SLC26A7: variants seen among roughly 807,000 people sequenced by gnomAD.
SLC26A7 encodes solute carrier family 26 member 7.
Under a neutral mutation model 82.5 loss-of-function variants are expected in SLC26A7, and 59 were observed. The ratio of observed to expected loss-of-function variants is 0.72; its 90% confidence interval spans 0.58 to 0.89. The LOEUF (loss-of-function observed/expected upper bound fraction) is 0.89. Ranked by LOEUF, SLC26A7 falls within the 40% of genes least tolerant of loss-of-function variation. The pLI, the probability that SLC26A7 is intolerant of heterozygous loss-of-function variation, is 0.00. For synonymous variants in SLC26A7, 271 were observed against 274.3 expected, an observed-to-expected ratio of 0.99 and a Z score of 0.12; for missense variants, 820 against 793.0, an observed-to-expected ratio of 1.03 and a Z score of -0.41.
rs780747338 is a variant in SLC26A7, at chr8:91,338,194, C to T, written c.840C>T (p.Asn280=). The change falls in exon 7 of 19, where the codon AAC becomes AAT. Residue 280 remains asparagine (N), a synonymous_variant. Coordinates refer to ENST00000276609, the MANE Select transcript of SLC26A7 (RefSeq NM_052832.4). ...SFACYCTNME[N]TYGLEVVGHI... is the part of the protein sequence containing the mutation. ...CTTGTTATTGCACCAATATGGAAAACACATATGGATTAGAAGTAGTTGGTC... is the reference window on the plus strand; with the variant it reads ...CTTGTTATTGCACCAATATGGAAAATACATATGGATTAGAAGTAGTTGGTC... The T allele has an allele frequency of 5.6e-6, 9 of 1,610,466 alleles. No homozygotes were observed. In the East Asian group the frequency reaches 1.6e-4, roughly 28 times the overall value.
chr8:91,352,588 CCG>C (rs1353435861), intron 10 of SLC26A7, among the ~76,000 whole-genome samples: 1 of 152,028 alleles, frequency 6.6e-6, no homozygotes, highest in African/African-American at 2.4e-5. Flanking sequence ...AAACAAATGA[CCG>C]TGAATACGTT....
intron 2 of SLC26A7, among the ~76,000 whole-genome samples, chr8:91,238,574 C>CAT (rs549564537): frequency 0.018 from 2,718 of 148,384 alleles, 28 homozygotes; most frequent in African/African-American, 0.032. Context: ...TACACACACA[C>CAT]ATATATATAT....
At chr8:91,309,612 A>C (rs1215299212) in intron 4 of SLC26A7, among the ~76,000 whole-genome samples, 1 of 152,176 alleles carries the variant, frequency 6.6e-6, no homozygotes, top group Non-Finnish European at 1.5e-5. Flanking sequence ...AGAAGAAATA[A>C]TTCAACTAAG....
chr8:91,251,370 A>G (rs545806185), intron 2 of SLC26A7, among the ~76,000 whole-genome samples: 84 of 152,104 alleles, frequency 5.5e-4, no homozygotes, highest in Non-Finnish European at 8.5e-4. Flanking sequence ...AGCACAACAC[A>G]TACTCAGCCC....
At chr8:91,270,190 G>A (rs1036325603) in intron 2 of SLC26A7, among the ~76,000 whole-genome samples, 2 of 152,156 alleles carry the variant, frequency 1.3e-5, no homozygotes, top group Non-Finnish European at 2.9e-5. Flanking sequence ...CATTTGAGAA[G>A]ATAACCACTT....
Position 91,249,402 on chromosome 8 carries a change from T to TA in SLC26A7, c.-123dup, listed in dbSNP as rs1365740239. 4 of 312,172 alleles carry TA rather than the reference T, an allele frequency of 1.3e-5. No homozygotes were observed. Among genetic ancestry groups the TA allele is most frequent in the Non-Finnish European group, 2.3e-5 (4 of 172,530 alleles). 19.3% of individuals were successfully genotyped at this position (312,172 alleles called of 1,614,324 possible). ...GAACAGGAACTACTTCTCCTTCAGATAAGAATTCAAGGTTTTAATCTATAG... is the reference window on the plus strand; with the variant it reads ...GAACAGGAACTACTTCTCCTTCAGATAAAGAATTCAAGGTTTTAATCTATAG... On this transcript the variant is annotated 5_prime_UTR_variant, in exon 1 of 19. Coordinates refer to ENST00000276609, the MANE Select transcript of SLC26A7 (RefSeq NM_052832.4).
rs1298350198 is a variant in SLC26A7 at position 91,314,140 on chromosome 8, G to A, written c.478-4076G>A. Among the ~76,000 whole-genome samples the A allele has an allele frequency of 2.0e-5, 3 of 152,282 alleles. No homozygotes were observed. In the East Asian group the frequency reaches 5.8e-4, roughly 29 times the overall value. On this transcript the variant is annotated intron_variant, in intron 4 of 18. Transcript: ENST00000276609. ...TAATTTCCTCATGAAATATGGCATG[G>A]CCAGGATTTTGGGAGTTGGCTAGCT...
chr8:91,259,876 G>A (rs1810914359), intron 2 of SLC26A7, among the ~76,000 whole-genome samples: 1 of 151,956 alleles, frequency 6.6e-6, no homozygotes, highest in Admixed American at 6.6e-5. Flanking sequence ...AGAATCTCTG[G>A]ATAATTTAGG....
intron 2 of SLC26A7, among the ~76,000 whole-genome samples, chr8:91,269,236 C>T (rs1340955820): frequency 6.6e-6 from 1 of 151,982 alleles, no homozygotes; most frequent in African/African-American, 2.4e-5. Flanking sequence ...TTTCTTTTAG[C>T]TTAAAGAACT....
At chr8:91,313,439 G>A (rs1812542586) in intron 4 of SLC26A7, among the ~76,000 whole-genome samples, 1 of 152,048 alleles carries the variant, frequency 6.6e-6, no homozygotes, top group South Asian at 2.1e-4. Context: ...TTCTTCTCAA[G>A]ACCTCTGGTC....
At position 91,239,410 on chromosome 8, in the gene SLC26A7, A is replaced by ATG. The variant is rs1491416554; in HGVS notation, c.-33-10207_-33-10206dup. On this transcript the variant is annotated intron_variant, in intron 2 of 5. Transcript: ENST00000522862. Reference sequence around the variant, plus strand: ...AAAAAAAAAAAATATATATATATATATGTATATGTATATATATGTATATAT... The same window carrying ATG: ...AAAAAAAAAAAATATATATATATATATGTGTATATGTATATATATGTATATAT... 4.3e-4 allele frequency among the ~76,000 whole-genome samples: 44 copies of ATG among 101,386 alleles called. No individual in the cohort carries two copies. The Middle Eastern group carries it at 0.028, about 64-fold the overall frequency. 66.5% of individuals were successfully genotyped at this position (101,386 alleles called of 152,430 possible). A position where few individuals can be genotyped will look rare whatever the true frequency, so the allele number is the denominator to read the frequency against.
At position 91,351,416 on chromosome 8, in the gene SLC26A7, G is replaced by C. The variant is rs1299958729; in HGVS notation, c.1141-394G>C. Among the ~76,000 whole-genome samples the C allele has an allele frequency of 3.3e-5, 5 of 152,210 alleles. No homozygotes were observed. In the East Asian group the frequency reaches 9.6e-4, roughly 29 times the overall value. On this transcript the variant is annotated intron_variant, in intron 9 of 18. Transcript: ENST00000276609. ...ATCCTAAGCCACATATTCAGTTATT[G>C]CTCAAACAACCTCCTACAAAATAAG...
chr8:91,247,976 A>G (rs570489330), upstream of SLC26A7, among the ~76,000 whole-genome samples: 63 of 152,288 alleles, frequency 4.1e-4, no homozygotes, highest in Non-Finnish European at 7.5e-4. Flanking sequence ...TAAATGGAGT[A>G]TATAAAACAA....
At chr8:91,347,543 T>A (rs1489131724) in intron 9 of SLC26A7, among the ~76,000 whole-genome samples, 1 of 152,240 alleles carries the variant, frequency 6.6e-6, no homozygotes, top group Non-Finnish European at 1.5e-5. Context: ...GTATTTTAGA[T>A]TTCAGCATAC....
intron 2 of SLC26A7, among the ~76,000 whole-genome samples, chr8:91,266,630 C>T (rs1207828189): frequency 2.6e-4 from 40 of 151,700 alleles, no homozygotes; most frequent in Admixed American, 2.6e-3. Flanking sequence ...TTAGTTCTAA[C>T]AATTTTGTGG....
chr8:91,279,158 TATATATATG>T (rs1811497051), intron 2 of SLC26A7, among the ~76,000 whole-genome samples: 4 of 121,704 alleles, frequency 3.3e-5, no homozygotes, highest in African/African-American at 1.1e-4. Context: ...TATATATATA[TATATATATG>T]TATCACATTT....
intron 11 of SLC26A7, among the ~76,000 whole-genome samples, chr8:91,353,918 T>C (rs1813792309): frequency 6.6e-6 from 1 of 152,034 alleles, no homozygotes; most frequent in Non-Finnish European, 1.5e-5. Flanking sequence ...TAAATTATCA[T>C]GCAAGACAGG....
chr8:91,337,056 A>G (rs1399243390), intron 6 of SLC26A7, among the ~76,000 whole-genome samples: 2 of 152,106 alleles, frequency 1.3e-5, no homozygotes, highest in Non-Finnish European at 2.9e-5. Context: ...TCGTATTACA[A>G]TATTTATAAA....
At chr8:91,210,578 C>G (rs1254501176) in intron 1 of SLC26A7, among the ~76,000 whole-genome samples, 1 of 144,666 alleles carries the variant, frequency 6.9e-6, no homozygotes, top group East Asian at 1.9e-4. Context: ...CACACACACA[C>G]ACACACACAC....
Sources: gnomAD v4.1 joint callset for allele counts (sites outside exome capture counted in the v4.1 genomes callset) on GRCh38, gnomAD v4.1.1 for gene constraint, MANE v1.5 for transcripts, NCBI Gene and HGNC (gene_info 2026-07-23, HGNC 2026-07-21) for gene names.